ITPKB: variants seen among roughly 807,000 people sequenced by gnomAD.
ITPKB encodes the protein IP3 3-kinase B.
A neutral mutation model predicts 69.4 loss-of-function variants in ITPKB; 13 were observed. The ratio of observed to expected loss-of-function variants is 0.19; its 90% CI spans 0.12 to 0.30. ITPKB has a LOEUF of 0.30. ITPKB is among the 10% of genes least tolerant of loss of function. The probability of loss-of-function intolerance (pLI) is 1.00; values close to 1 mark genes in which losing one functional copy is unlikely to be tolerated. For missense variants in ITPKB, 1,240 were observed against 1,250.5 expected (o/e 0.99, Z 0.13); for synonymous variants, 584 against 513.7 (o/e 1.14, Z -1.85).
intron 2 of ITPKB, among the ~76,000 whole-genome samples, chr1:226,696,155 C>A (rs1656479075): frequency 6.6e-6 from 1 of 152,214 alleles, no homozygotes; most frequent in Admixed American, 6.5e-5. Context: ...CTCTACTAGT[C>A]ACTAGCTGGG....
intron 5 of ITPKB, among the ~76,000 whole-genome samples, chr1:226,640,420 G>C (rs3729551): frequency 0.21 from 32,239 of 152,154 alleles, 4,158 homozygotes; most frequent in African/African-American, 0.34. Context: ...GCCTTCGACA[G>C]GACTGGCAGG....
At chr1:226,674,242 C>T (rs1000347318) in intron 2 of ITPKB, among the ~76,000 whole-genome samples, 3 of 152,080 alleles carry the variant, frequency 2.0e-5, no homozygotes, top group Non-Finnish European at 4.4e-5. Flanking sequence ...CACTGTTGCC[C>T]AGGCTGGAGG....
intron 2 of ITPKB, among the ~76,000 whole-genome samples, chr1:226,703,329 G>T (rs929270778): frequency 1.3e-5 from 2 of 152,230 alleles, no homozygotes; most frequent in African/African-American, 4.8e-5. Context: ...TGTTTACAAT[G>T]AACGGACGGC....
At chr1:226,708,606 G>A (rs1424739242) in intron 2 of ITPKB, among the ~76,000 whole-genome samples, 1 of 152,130 alleles carries the variant, frequency 6.6e-6, no homozygotes, top group Non-Finnish European at 1.5e-5. Flanking sequence ...CACAGGACAC[G>A]AGGCCCTGTA....
At chr1:226,644,738 A>C (rs1010797849) in intron 4 of ITPKB, among the ~76,000 whole-genome samples, 10 of 152,158 alleles carry the variant, frequency 6.6e-5, no homozygotes, top group Non-Finnish European at 1.0e-4. Context: ...ACATGTCTCA[A>C]ACTCTCTTGC....
At position 226,737,268 on chromosome 1, in the gene ITPKB, A is replaced by G. The variant is rs1263704976; in HGVS notation, c.191T>C (p.Leu64Pro). 2.6e-6 allele frequency: 4 copies of G among 1,553,400 alleles called. No homozygotes were observed. The highest frequency in any genetic ancestry group is 1.1e-5 in the South Asian group (1 of 87,130). ...GGGGCTCCGGGGCTCCTCGGGGGAC[A>G]GCGACTCGGCTGGGGGGAAGAGGAA... Reference protein sequence around the residue: ...ASFLFPPAESLSPEEPRSPGG... With the variant: ...ASFLFPPAESPSPEEPRSPGG... Residue 64 changes from leucine to proline, a missense_variant, in exon 2 of 8, where the codon CTG becomes CCG. This residue lies in a region of ITPKB where 992 missense variants were observed against 853.8 expected (regional missense o/e 1.16). Transcript: ENST00000429204.
chr1:226,689,268 C>T (rs1214982268), intron 2 of ITPKB, among the ~76,000 whole-genome samples: 1 of 152,226 alleles, frequency 6.6e-6, no homozygotes, highest in Non-Finnish European at 1.5e-5. Flanking sequence ...ATAATATTCT[C>T]TTCAAAGCCT....
rs1558297332 is a variant in ITPKB at position 226,633,442 on chromosome 1, A to G, written c.*1229T>C. On this transcript the variant is annotated 3_prime_UTR_variant, in exon 8 of 8. Transcript: ENST00000429204. ...AATTTTACATTCCCTTCCATATCAG[A>G]CTCACTGGCTTTCAGTTAAAATTGG... 1 of 152,120 alleles carries G rather than the reference A, an allele frequency of 6.6e-6. No homozygotes were observed. Among genetic ancestry groups the G allele is most frequent in the Non-Finnish European group, 1.5e-5 (1 of 68,026 alleles). 9.4% of individuals were successfully genotyped at this position (152,120 alleles called of 1,614,324 possible).
rs765640711 is a variant in ITPKB at position 226,733,984 on chromosome 1, T to G, written c.1932+1543A>C. Among the ~76,000 whole-genome samples, 119 of 152,236 alleles carry G rather than the reference T, an allele frequency of 7.8e-4. 2 individuals are homozygous for G. Among genetic ancestry groups the G allele is most frequent in the Admixed American group, 4.4e-3 (68 of 15,288 alleles). On this transcript the variant is annotated intron_variant, in intron 2 of 7. Transcript: ENST00000429204. ...TTAAAGTGACTTTGGCTGTTTCAGC[T>G]ATGCTTCAGGAGTTCAAAAGCAACT...
At chr1:226,640,607 TAGAC>T (rs1166392892) in intron 5 of ITPKB, among the ~76,000 whole-genome samples, 1 of 151,960 alleles carries the variant, frequency 6.6e-6, no homozygotes, top group Non-Finnish European at 1.5e-5. Context: ...GGCTGGACAA[TAGAC>T]AGAGACCAGG....
At chr1:226,707,614 G>C (rs778811184) in intron 2 of ITPKB, 3 of 988,616 alleles carry the variant, frequency 3.0e-6, no homozygotes, top group Non-Finnish European at 3.6e-6. Context: ...GCTCAATGGG[G>C]ATAAATAGGC....
intron 2 of ITPKB, among the ~76,000 whole-genome samples, chr1:226,709,583 C>A (rs188662596): frequency 1.3e-5 from 2 of 152,284 alleles, no homozygotes; most frequent in African/African-American, 4.8e-5. Context: ...TGGCTCCTGA[C>A]ATCCAACTTC....
In ITPKB at chr1:226,662,400, C is replaced by A. The variant is rs115701787; in HGVS notation, c.1933-13629G>T. On this transcript the variant is annotated intron_variant, in intron 2 of 7. Transcript: ENST00000429204. ...CACACTTACTTCTGTGTGAACAGCT[C>A]TTTAGTAACCCCTGGTTCTTTTTCA... 4.2e-3 allele frequency among the ~76,000 whole-genome samples: 641 copies of A among 152,336 alleles called. 7 individuals are homozygous for A. Among genetic ancestry groups the A allele is most frequent in the African/African-American group, 0.015 (604 of 41,576 alleles).
At chr1:226,651,162 C>T (rs764774324) in intron 2 of ITPKB, among the ~76,000 whole-genome samples, 3 of 151,978 alleles carry the variant, frequency 2.0e-5, no homozygotes, top group Non-Finnish European at 2.9e-5. Context: ...CAGCTGGCAG[C>T]GGGAGTGTGG....
chr1:226,646,593 G>A (rs1015623027), intron 4 of ITPKB, among the ~76,000 whole-genome samples: 1 of 152,132 alleles, frequency 6.6e-6, no homozygotes, highest in Non-Finnish European at 1.5e-5. Flanking sequence ...TGACTGCTCC[G>A]GGCTCACCTG....
At chr1:226,680,436 C>T (rs1169242693) in intron 2 of ITPKB, among the ~76,000 whole-genome samples, 1 of 152,204 alleles carries the variant, frequency 6.6e-6, no homozygotes, top group Non-Finnish European at 1.5e-5. Context: ...TGTGTCAGCT[C>T]TTTCCCCAAG....
intron 2 of ITPKB, among the ~76,000 whole-genome samples, chr1:226,665,608 A>T (rs1669483653): frequency 6.6e-6 from 1 of 152,188 alleles, no homozygotes; most frequent in Non-Finnish European, 1.5e-5. Context: ...ATCACACAAA[A>T]GCTACCTCGG....
chr1:226,665,091 T>C (rs1669472493), intron 2 of ITPKB, among the ~76,000 whole-genome samples: 2 of 152,194 alleles, frequency 1.3e-5, no homozygotes, highest in Admixed American at 1.3e-4. Context: ...CATTTAAAAA[T>C]CAGATTCCAC....
intron 2 of ITPKB, among the ~76,000 whole-genome samples, chr1:226,723,613 T>C (rs1290240803): frequency 2.0e-5 from 3 of 152,170 alleles, no homozygotes; most frequent in African/African-American, 4.8e-5. Flanking sequence ...ATATATTTCA[T>C]TGGCTCTCTT....
Sources: allele counts gnomAD v4.1 joint callset (sites outside exome capture counted in the v4.1 genomes callset), GRCh38; gene constraint gnomAD v4.1.1; regional missense constraint gnomAD v4.1.1; transcripts MANE v1.5; gene names NCBI Gene and HGNC (gene_info 2026-07-23, HGNC 2026-07-21).